The following TOP1 variants were observed in gnomAD, a reference collection of about 807,000 sequenced individuals.
The protein encoded by TOP1 is DNA topoisomerase I.
A neutral mutation model predicts 111.1 loss-of-function variants in TOP1; 10 were observed. That is an observed-to-expected ratio of 0.09 (90% CI 0.06 to 0.15). TOP1 has a LOEUF of 0.15. TOP1 is among the 10% of genes least tolerant of loss of function. The pLI is 1.00. For missense variants in TOP1, 474 were observed against 926.7 expected (o/e 0.51, Z 6.34); for synonymous variants, 271 against 302.9 (o/e 0.89, Z 1.10).
Position 41,097,544 on chromosome 20 carries a change from A to G in TOP1, c.852+203A>G, listed in dbSNP as rs866757302. Among the ~76,000 whole-genome samples the G allele has an allele frequency of 1.3e-4, 20 of 152,144 alleles. No homozygotes were observed. Among genetic ancestry groups the G allele is most frequent in the Non-Finnish European group, 2.1e-4 (14 of 68,036 alleles). ...ACAAGAGTACTTGTATATCTTTGCT[A>G]TTGGCTCTCATGTGATGGCAGGTAG... On this transcript the variant is annotated intron_variant, in intron 10 of 20. Coordinates refer to ENST00000361337, the MANE Select transcript of TOP1 (RefSeq NM_003286.4). The surrounding 1 kb of genome is among the most constrained non-coding windows in gnomAD (Gnocchi z 4.2).
At chr20:41,093,427 T>C (rs2033944200) in intron 9 of TOP1, among the ~76,000 whole-genome samples, 1 of 152,044 alleles carries the variant, frequency 6.6e-6, no homozygotes, top group African/African-American at 2.4e-5. Flanking sequence ...GTCCCTCTTC[T>C]TCTTTCCCCT....
chr20:41,061,575 G>A lies in TOP1; in HGVS notation c.155+85G>A. On this transcript the variant is annotated intron_variant, in intron 3 of 20. Transcript: ENST00000361337. This position sits in a 1 kb window ranked among gnomAD's most constrained non-coding sequence, Gnocchi z 4.6. ...TTACCTGGAATAGGTCTTAACTTGA[G>A]CTACATGTAAAGATAGCAAAGTAAG... 8.6e-7 allele frequency: 1 copy of A among 1,159,018 alleles called. No homozygotes were observed. The highest frequency in any genetic ancestry group is 1.2e-6 in the Non-Finnish European group (1 of 806,588). The allele number at this position is 1,159,018 out of a possible 1,614,324, so 71.8% of individuals were successfully genotyped here.
At position 41,102,807 on chromosome 20, in the gene TOP1, T is replaced by C. The variant is rs568411551; in HGVS notation, c.1308+1454T>C. Among the ~76,000 whole-genome samples, 31 of 152,270 alleles carry C rather than the reference T, an allele frequency of 2.0e-4. No homozygotes were observed. Among genetic ancestry groups the C allele is most frequent in the Non-Finnish European group, 3.5e-4 (24 of 68,030 alleles). On this transcript the variant is annotated intron_variant, in intron 13 of 20. Transcript: ENST00000361337. The surrounding 1 kb of genome is among the most constrained non-coding windows in gnomAD (Gnocchi z 4.0). Reference sequence around the variant, plus strand: ...ATAGTTTTAGCCCTTAAGGAACTTATAGGCTGGTGGGCAAATCAGGTAAGA... The same window carrying C: ...ATAGTTTTAGCCCTTAAGGAACTTACAGGCTGGTGGGCAAATCAGGTAAGA...
At position 41,122,426 on chromosome 20, in the gene TOP1, A is replaced by G. The variant is rs1406427068; in HGVS notation, c.2195+271A>G. On this transcript the variant is annotated intron_variant, in intron 20 of 20. Coordinates refer to ENST00000361337, the MANE Select transcript of TOP1 (RefSeq NM_003286.4). The surrounding 1 kb of genome is among the most constrained non-coding windows in gnomAD (Gnocchi z 5.4). Reference sequence around the variant, plus strand: ...GAGGCAGGTGCCATCCCTATTCCTAATGGAACTTTAGGACAGGAATGGAAA... The same window carrying G: ...GAGGCAGGTGCCATCCCTATTCCTAGTGGAACTTTAGGACAGGAATGGAAA... Among the ~76,000 whole-genome samples, 1 of 152,018 alleles carries G rather than the reference A, an allele frequency of 6.6e-6. No homozygotes were observed. The highest frequency in any genetic ancestry group is 6.6e-5 in the Admixed American group (1 of 15,240).
rs2034451292 is a variant in TOP1, at chr20:41,123,450, T to C, written c.*153T>C. 1.8e-6 allele frequency: 1 copy of C among 550,520 alleles called. No homozygotes were observed. The highest frequency in any genetic ancestry group is 3.2e-6 in the Non-Finnish European group (1 of 312,144). The allele number at this position is 550,520 out of a possible 1,614,324, so 34.1% of individuals were successfully genotyped here. A position where few individuals can be genotyped will look rare whatever the true frequency, so the allele number is the denominator to read the frequency against. On this transcript the variant is annotated 3_prime_UTR_variant, in exon 21 of 21. Coordinates refer to ENST00000361337, the MANE Select transcript of TOP1 (RefSeq NM_003286.4). The surrounding 1 kb of genome is among the most constrained non-coding windows in gnomAD (Gnocchi z 5.8). The stretch of plus-strand genomic sequence containing the variant: ...CGAAAAGATAAACCTGGAGATATTA[T>C]AAGGGAGAGCTGAGCCAGTTGTCCT...
In TOP1 at chr20:41,116,289, G is replaced by C. The variant is rs2034328723; in HGVS notation, c.1719G>C (p.Leu573=). The stretch of plus-strand genomic sequence containing the variant: ...TTTGTCTCCTCCAGACTGGTATTCT[G>C]AATAAGCATCTTCAGGATCTCATGG... ...DLFDRLNTGI[L]NKHLQDLMEG... The change falls in exon 17 of 21, where the codon CTG becomes CTC. Residue 573 remains leucine, a synonymous_variant. Coordinates refer to ENST00000361337, the MANE Select transcript of TOP1 (RefSeq NM_003286.4). This position sits in a 1 kb window ranked among gnomAD's most constrained non-coding sequence, Gnocchi z 5.6. The C allele has an allele frequency of 1.2e-6, 2 of 1,612,010 alleles. No individual in the cohort carries two copies. Among genetic ancestry groups the C allele is most frequent in the Middle Eastern group, 4.2e-4 (2 of 4,784 alleles).
Position 41,092,505 on chromosome 20 carries a change from G to A in TOP1, c.648G>A (p.Lys216=), listed in dbSNP as rs2033931979. 6.2e-7 allele frequency: 1 copy of A among 1,604,352 alleles called. No homozygotes were observed. The highest frequency in any genetic ancestry group is 8.5e-7 in the Non-Finnish European group (1 of 1,176,610). Residue 216 remains lysine, a synonymous_variant, in exon 9 of 21, where the codon AAG becomes AAA. Transcript: ENST00000361337. The surrounding 1 kb of genome is among the most constrained non-coding windows in gnomAD (Gnocchi z 4.3). ...AAGAGCGCTATCCTGAAGGCATCAA[G>A]TGGAAATTCCTAGAACATAAAGGTC... ...WEEERYPEGI[K]WKFLEHKGPV...
At chr20:41,075,041 AATTT>A (rs2033709769) in intron 3 of TOP1, among the ~76,000 whole-genome samples, 1 of 152,200 alleles carries the variant, frequency 6.6e-6, no homozygotes, top group Non-Finnish European at 1.5e-5. Flanking sequence ...GCAGTTAAAT[AATTT>A]GATATATTAC....
intron 3 of TOP1, among the ~76,000 whole-genome samples, chr20:41,064,410 T>G (rs557712348): frequency 6.6e-6 from 1 of 152,356 alleles, no homozygotes; most frequent in East Asian, 1.9e-4. Flanking sequence ...AACCATCTTC[T>G]TTGGCTTTAA....
chr20:41,119,853 G>A, intron 18 of TOP1, among the ~76,000 whole-genome samples: 1 of 152,334 alleles, frequency 6.6e-6, no homozygotes, highest in Non-Finnish European at 1.5e-5. Context: ...TTAAATGCTG[G>A]TCATCTGGAA....
At chr20:41,033,408 G>A (rs989483951) in intron 2 of TOP1, among the ~76,000 whole-genome samples, 1 of 147,642 alleles carries the variant, frequency 6.8e-6, no homozygotes, top group Non-Finnish European at 1.5e-5. Flanking sequence ...TCAGCATAAA[G>A]ATGGGGAATT....
chr20:41,108,570 G>T (rs1286496611), intron 13 of TOP1, among the ~76,000 whole-genome samples: 1 of 152,152 alleles, frequency 6.6e-6, no homozygotes, highest in African/African-American at 2.4e-5. Flanking sequence ...TACTGAAAAG[G>T]TTGTCCTGAA....
chr20:41,071,004 C>T lies in TOP1; in HGVS notation c.156-5167C>T, dbSNP rs767497882. On this transcript the variant is annotated intron_variant, in intron 3 of 20. Transcript: ENST00000361337. This position sits in a 1 kb window ranked among gnomAD's most constrained non-coding sequence, Gnocchi z 4.3. ...CAAATGTGCTTAGATGAGTGCTTGG[C>T]ACTGGGTGCTACTCAAGTATCTGTT... is the stretch of plus-strand genomic sequence containing the variant. Among the ~76,000 whole-genome samples, 9 of 152,188 alleles carry T rather than the reference C, an allele frequency of 5.9e-5. No individual in the cohort carries two copies. Among genetic ancestry groups the T allele is most frequent in the Non-Finnish European group, 1.2e-4 (8 of 68,020 alleles).
chr20:41,119,432 TAGTG>T (rs933154136), intron 18 of TOP1, among the ~76,000 whole-genome samples: 34 of 152,180 alleles, frequency 2.2e-4, no homozygotes, highest in Admixed American at 2.2e-3. Flanking sequence ...CTGGGCAACA[TAGTG>T]AGACCCTGTC....
Position 41,029,832 on chromosome 20 carries a change from C to T in TOP1, c.58+377C>T. ...CCTGTGTCTCTTTCTCTCCCTCCCT[C>T]GGCTCTTTCCTTGAGCTGCCCAGAA... On this transcript the variant is annotated intron_variant, in intron 2 of 20. Transcript: ENST00000361337. This position sits in a 1 kb window ranked among gnomAD's most constrained non-coding sequence, Gnocchi z 6.1. 3.4e-6 allele frequency: 1 copy of T among 297,296 alleles called. No individual in the cohort carries two copies. The highest frequency in any genetic ancestry group is 6.5e-6 in the Non-Finnish European group (1 of 153,854). The allele number at this position is 297,296 out of a possible 1,614,324, so 18.4% of individuals were successfully genotyped here.
chr20:41,047,724 T>C (rs1417954969), intron 2 of TOP1, among the ~76,000 whole-genome samples: 1 of 152,198 alleles, frequency 6.6e-6, no homozygotes. Flanking sequence ...ACAAGGTGTA[T>C]TTAGTACCTG....
intron 8 of TOP1, among the ~76,000 whole-genome samples, chr20:41,089,028 T>TA (rs2033884840): frequency 7.9e-6 from 1 of 127,072 alleles, no homozygotes; most frequent in South Asian, 2.7e-4. Flanking sequence ...TTCTTTTTTT[T>TA]TTTTTTTTTT....
At position 41,094,738 on chromosome 20, in the gene TOP1, A is replaced by C. The variant is rs2033962021; in HGVS notation, c.730+2151A>C. Among the ~76,000 whole-genome samples the C allele has an allele frequency of 6.6e-6, 1 of 152,072 alleles. No individual in the cohort carries two copies. Among genetic ancestry groups the C allele is most frequent in the Non-Finnish European group, 1.5e-5 (1 of 67,994 alleles). On this transcript the variant is annotated intron_variant, in intron 9 of 20. Coordinates refer to ENST00000361337, the MANE Select transcript of TOP1 (RefSeq NM_003286.4). This position sits in a 1 kb window ranked among gnomAD's most constrained non-coding sequence, Gnocchi z 4.4. The stretch of plus-strand genomic sequence containing the variant: ...GTGCTGCCTACTCTCTGGGGAGGAG[A>C]ATTCTTAGACTCCTTTAGAACTTGC...
At position 41,100,251 on chromosome 20, in the gene TOP1, C is replaced by T. The variant is rs775022678; in HGVS notation, c.1163+8C>T. On this transcript the variant is annotated splice_region_variant and intron_variant, in intron 12 of 20. Transcript: ENST00000361337. The surrounding 1 kb of genome is among the most constrained non-coding windows in gnomAD (Gnocchi z 4.4). ...AATCATCAACTGTAGCAAGTGAGCTCGCACTTCATCCTATGGGCCAAAAAG... is the reference window on the plus strand; with the variant it reads ...AATCATCAACTGTAGCAAGTGAGCTTGCACTTCATCCTATGGGCCAAAAAG... 16 of 1,607,848 alleles carry T rather than the reference C, an allele frequency of 1.0e-5. No individual in the cohort carries two copies. Among genetic ancestry groups the T allele is most frequent in the South Asian group, 6.6e-5 (6 of 90,666 alleles).
Sources: gnomAD v4.1 joint callset for allele counts (sites outside exome capture counted in the v4.1 genomes callset) on GRCh38, gnomAD v4.1.1 for gene constraint, Gnocchi (gnomAD v3.1) non-coding constraint, MANE v1.5 for transcripts, NCBI Gene and HGNC (gene_info 2026-07-23, HGNC 2026-07-21) for gene names.